The following AFDN variants were observed in gnomAD, a reference collection of about 807,000 sequenced individuals.
The protein encoded by AFDN is afadin.
A neutral mutation model predicts 216.6 loss-of-function variants in AFDN; 68 were observed. The observed-to-expected ratio is 0.31, with a 90% confidence interval of 0.26 to 0.38. The LOEUF (loss-of-function observed/expected upper bound fraction) is 0.38, where lower values mean the gene tolerates loss of function less well. Among genes scored for constraint, AFDN ranks in the 10% least tolerant of loss-of-function variants. AFDN has a pLI of 1.00. For missense variants in AFDN, 2,136 were observed against 2,342.0 expected, an observed-to-expected ratio of 0.91 and a Z score of 1.82; for synonymous variants, 868 against 853.7, an observed-to-expected ratio of 1.02 and a Z score of -0.29.
chr6:167,890,275 A>G (rs1787400597), intron 7 of AFDN, among the ~76,000 whole-genome samples: 1 of 152,256 alleles, frequency 6.6e-6, no homozygotes, highest in African/African-American at 2.4e-5. Context: ...TAAAGTTAAA[A>G]TTTTATTAAA....
intron 11 of AFDN, among the ~76,000 whole-genome samples, chr6:167,900,175 A>G (rs541637704): frequency 2.6e-5 from 4 of 152,354 alleles, no homozygotes; most frequent in South Asian, 4.1e-4. Context: ...CATACCATCC[A>G]TAAATTAGAA....
At position 167,915,360 on chromosome 6, in the gene AFDN, G is replaced by A. The variant is rs779920953; in HGVS notation, c.2492G>A (p.Gly831Asp). Residue 831 changes from glycine to aspartate, a missense_variant, in exon 19 of 34, where the codon GGC becomes GAC. Physicochemically the swap from Gly to Asp is moderately conservative, Grantham distance 94 (BLOSUM62 -1). Transcript: ENST00000683244. ...GGTGCGATTATCCGTCAGCAGTTGG[G>A]CCATATTGAAGCCTGGGCTGAGAAG... Reference protein sequence around the residue: ...YWGAIIRQQLGHIEAWAEKQG... With the variant: ...YWGAIIRQQLDHIEAWAEKQG... The A allele has an allele frequency of 6.2e-7, 1 of 1,614,220 alleles. No individual in the cohort carries two copies. The highest frequency in any genetic ancestry group is 1.1e-5 in the South Asian group (1 of 91,084).
intron 30 of AFDN, among the ~76,000 whole-genome samples, chr6:167,961,846 G>A (rs988262978): frequency 6.6e-6 from 1 of 152,144 alleles, no homozygotes; most frequent in Non-Finnish European, 1.5e-5. Context: ...GAAGTCCAGG[G>A]TGGGATCTGG....
chr6:167,948,524 G>T (rs2128665458), intron 29 of AFDN, 46 bp downstream of exon 29: 1 of 1,546,368 alleles, frequency 6.5e-7, no homozygotes, highest in Non-Finnish European at 8.9e-7. Context: ...TCTCAAGGAG[G>T]ACACACTGAG....
chr6:167,897,931 A>G (rs1184597431), intron 10 of AFDN, among the ~76,000 whole-genome samples: 1 of 152,104 alleles, frequency 6.6e-6, no homozygotes, highest in African/African-American at 2.4e-5. Flanking sequence ...GGCGTGAGCC[A>G]CCGCGCCTGG....
chr6:167,850,673 T>C (rs1326946682), intron 1 of AFDN, among the ~76,000 whole-genome samples: 1 of 152,200 alleles, frequency 6.6e-6, no homozygotes. Context: ...AGAATCTTAG[T>C]TGCAGATTCA....
chr6:167,915,230 G>A lies in AFDN; in HGVS notation c.2362G>A (p.Ala788Thr), dbSNP rs2128470379. 1.9e-6 allele frequency: 3 copies of A among 1,614,200 alleles called. No homozygotes were observed. The highest frequency in any genetic ancestry group is 1.3e-5 in the African/African-American group (1 of 75,042). ...SLLRRCRVNA[A>T]LTIQLFSQLF... The stretch of plus-strand genomic sequence containing the variant: ...GCTACGACGCTGCAGAGTCAATGCC[G>A]CCCTGACCATCCAGCTCTTCTCTCA... Residue 788 changes from alanine to threonine, a missense_variant, in exon 19 of 34, where the codon GCC becomes ACC. Coordinates refer to ENST00000683244, the MANE Select transcript of AFDN (RefSeq NM_001386888.1).
intron 12 of AFDN, among the ~76,000 whole-genome samples, chr6:167,902,777 G>C (rs565325664): frequency 6.6e-6 from 1 of 152,298 alleles, no homozygotes; most frequent in East Asian, 1.9e-4. Context: ...CTGAACTGTA[G>C]AAAGAGAAAC....
intron 1 of AFDN, among the ~76,000 whole-genome samples, chr6:167,844,103 A>G (rs988163537): frequency 2.6e-5 from 4 of 152,098 alleles, no homozygotes; most frequent in African/African-American, 9.7e-5. Context: ...AATTCTAGCT[A>G]TCCAGACATA....
chr6:167,845,349 A>C (rs1050224319), intron 1 of AFDN, among the ~76,000 whole-genome samples: 2 of 151,996 alleles, frequency 1.3e-5, no homozygotes, highest in Non-Finnish European at 2.9e-5. Flanking sequence ...TTCTGATTTT[A>C]TGGTATTTTT....
intron 12 of AFDN, among the ~76,000 whole-genome samples, chr6:167,903,472 T>C (rs1583343363): frequency 6.6e-6 from 1 of 152,174 alleles, no homozygotes; most frequent in East Asian, 1.9e-4. Flanking sequence ...TTCTTGAATG[T>C]TAGGCCCAGA....
Position 167,911,661 on chromosome 6 carries a change from C to G in AFDN, c.2037+172C>G, listed in dbSNP as rs1790412936. Reference sequence around the variant, plus strand: ...AACTTTAAAGAGTTGAAAGGAAATGCAAGCTTTTTTCTATTTTGTTTTCCC... The same window carrying G: ...AACTTTAAAGAGTTGAAAGGAAATGGAAGCTTTTTTCTATTTTGTTTTCCC... On this transcript the variant is annotated intron_variant, in intron 15 of 33. Coordinates refer to ENST00000683244, the MANE Select transcript of AFDN (RefSeq NM_001386888.1). 3 of 624,406 alleles carry G rather than the reference C, an allele frequency of 4.8e-6. No individual in the cohort carries two copies. In the Admixed American group the frequency reaches 8.9e-5, roughly 19 times the overall value. 38.7% of individuals were successfully genotyped at this position (624,406 alleles called of 1,614,324 possible). A position where few individuals can be genotyped will look rare whatever the true frequency, so the allele number is the denominator to read the frequency against.
intron 13 of AFDN, among the ~76,000 whole-genome samples, chr6:167,908,515 A>G (rs1399977463): frequency 6.6e-6 from 1 of 152,210 alleles, no homozygotes; most frequent in Non-Finnish European, 1.5e-5. Flanking sequence ...TATTGTAAGG[A>G]ATACCTCTAT....
At chr6:167,954,222 G>C (rs944915991) in intron 30 of AFDN, among the ~76,000 whole-genome samples, 1 of 152,110 alleles carries the variant, frequency 6.6e-6, no homozygotes, top group Non-Finnish European at 1.5e-5. Flanking sequence ...AAATTTTGCT[G>C]TTTTTTATTT....
In AFDN at chr6:167,966,655, C is replaced by G. The variant is rs75890452; in HGVS notation, c.5257+610C>G. 6.5e-3 allele frequency among the ~76,000 whole-genome samples: 993 copies of G among 152,266 alleles called. 7 individuals carry two copies. Among genetic ancestry groups the G allele is most frequent in the African/African-American group, 0.015 (624 of 41,538 alleles). ...GTGCTTTTCACACGCTGTAGTGTCT[C>G]TAGAGACAAAGGTTATAATTCTATT... On this transcript the variant is annotated intron_variant, in intron 32 of 33. Transcript: ENST00000683244.
At chr6:167,832,415 C>T (rs1200033067) in intron 1 of AFDN, among the ~76,000 whole-genome samples, 1 of 152,152 alleles carries the variant, frequency 6.6e-6, no homozygotes, top group African/African-American at 2.4e-5. Flanking sequence ...TGGGCTAAAG[C>T]AGGCTGAGAG....
At chr6:167,939,363 G>A (rs1794409689) in intron 23 of AFDN, among the ~76,000 whole-genome samples, 1 of 152,158 alleles carries the variant, frequency 6.6e-6, no homozygotes, top group Non-Finnish European at 1.5e-5. Flanking sequence ...CTTTTCTGTA[G>A]TCAGGTGGAA....
At chr6:167,832,292 A>C (rs955733956) in intron 1 of AFDN, among the ~76,000 whole-genome samples, 1 of 152,164 alleles carries the variant, frequency 6.6e-6, no homozygotes, top group Non-Finnish European at 1.5e-5. Context: ...GTGGGCTTCC[A>C]GTTCGTGTCT....
chr6:167,889,083 G>A (rs1318204796), intron 6 of AFDN, 132 bp from the exon 7 acceptor site: 2 of 580,294 alleles, frequency 3.4e-6, no homozygotes, highest in African/African-American at 1.9e-5. Context: ...TTGATGATGA[G>A]TGAGAATTGT....
Sources: allele counts gnomAD v4.1 joint callset (sites outside exome capture counted in the v4.1 genomes callset), GRCh38; gene constraint gnomAD v4.1.1; transcripts MANE v1.5; gene names NCBI Gene and HGNC (gene_info 2026-07-23, HGNC 2026-07-21).